Variants in RMND1 observed in about 807,000 individuals in gnomAD.
RMND1 encodes required for meiotic nuclear division protein 1 homolog.
RMND1 carries 41 observed loss-of-function variants against 54.0 expected under a neutral mutation model. That is an observed-to-expected ratio of 0.76 (90% CI 0.59 to 0.98). The LOEUF (loss-of-function observed/expected upper bound fraction) is 0.98, where lower values mean the gene tolerates loss of function less well. Ranked by LOEUF, RMND1 falls within the 50% of genes least tolerant of loss-of-function variation. The pLI, the probability that RMND1 is intolerant of heterozygous loss-of-function variation, is 0.00. For missense variants in RMND1, 457 were observed against 532.0 expected, an observed-to-expected ratio of 0.86 and a Z score of 1.39; for synonymous variants, 183 against 181.7, an observed-to-expected ratio of 1.01 and a Z score of -0.06.
At chr6:151,441,708 C>G (rs960870517) in intron 2 of RMND1, among the ~76,000 whole-genome samples, 5 of 152,166 alleles carry the variant, frequency 3.3e-5, no homozygotes, top group Non-Finnish European at 7.4e-5. Context: ...GAGGGTGGCA[C>G]AGCCCAGTTC....
At chr6:151,433,779 C>G (rs1453200530) in intron 3 of RMND1, among the ~76,000 whole-genome samples, 1 of 152,030 alleles carries the variant, frequency 6.6e-6, no homozygotes, top group Non-Finnish European at 1.5e-5. Context: ...AGGTTAATCA[C>G]TACAGGGGCT....
At position 151,427,499 on chromosome 6, in the gene RMND1, A is replaced by G. The variant is rs1441130926; in HGVS notation, c.813T>C (p.Leu271=). ...TTGCTTACTCTATTTTTATGTAGTT[A>G]AGTTCTTCATTTTCCCAGTGTACCA... ...IALVHWENEE[L]NYIKIEGQSK... Residue 271 remains leucine, a synonymous_variant, in exon 6 of 12, where the codon CTT becomes CTC. Transcript: ENST00000444024. The G allele has an allele frequency of 6.2e-7, 1 of 1,606,236 alleles. No individual in the cohort carries two copies. Among genetic ancestry groups the G allele is most frequent in the South Asian group, 1.1e-5 (1 of 90,890 alleles).
At chr6:151,405,358 T>C in intron 11 of RMND1, 91 bp from the exon 12 acceptor site, 2 of 1,231,300 alleles carry the variant, frequency 1.6e-6, no homozygotes, top group Non-Finnish European at 2.4e-6. Context: ...TGAGAAATGC[T>C]CCTGAAGTAA....
intron 2 of RMND1, among the ~76,000 whole-genome samples, chr6:151,441,372 AG>A (rs1481621283): frequency 6.6e-6 from 1 of 152,144 alleles, no homozygotes; most frequent in African/African-American, 2.4e-5. Context: ...TTTTGGTTGT[AG>A]TATTTGCTCT....
intron 2 of RMND1, among the ~76,000 whole-genome samples, chr6:151,443,334 C>CA (rs1413836089): frequency 6.6e-6 from 1 of 152,034 alleles, no homozygotes; most frequent in African/African-American, 2.4e-5. Flanking sequence ...TTTTTTGAGA[C>CA]AGAGTCTCAC....
intron 10 of RMND1, among the ~76,000 whole-genome samples, chr6:151,410,029 A>G (rs2114916160): frequency 6.6e-6 from 1 of 151,302 alleles, no homozygotes; most frequent in Middle Eastern, 3.4e-3. Context: ...TTTGAGGGGG[A>G]ATAAAAAACC....
rs372497796 is a variant in RMND1, at chr6:151,405,159, C to T, written c.*76G>A. On this transcript the variant is annotated 3_prime_UTR_variant, in exon 12 of 12. Transcript: ENST00000444024. Reference sequence around the variant, plus strand: ...TGCTGGGATTACAGGCATGAGGCACCGCGCCGGGCCGAACATTTAATTTTT... The same window carrying T: ...TGCTGGGATTACAGGCATGAGGCACTGCGCCGGGCCGAACATTTAATTTTT... 224 of 1,377,254 alleles carry T rather than the reference C, an allele frequency of 1.6e-4. No individual in the cohort carries two copies. Among genetic ancestry groups the T allele is most frequent in the Non-Finnish European group, 2.1e-4 (203 of 970,160 alleles). 85.3% of individuals were successfully genotyped at this position (1,377,254 alleles called of 1,614,324 possible). A position where few individuals can be genotyped will look rare whatever the true frequency, so the allele number is the denominator to read the frequency against.
chr6:151,417,492 C>CTTT, intron 9 of RMND1, 93 bp from the exon 10 acceptor site: 11 of 819,950 alleles, frequency 1.3e-5, no homozygotes, highest in East Asian at 7.0e-5. Flanking sequence ...TTTATGAAAA[C>CTTT]TTTTTTTTTT....
rs1293272797 is a variant in RMND1, at chr6:151,439,649, TG to T, written c.505-3096del. Among the ~76,000 whole-genome samples, 11 of 152,304 alleles carry T rather than the reference TG, an allele frequency of 7.2e-5. No homozygotes were observed. The East Asian group carries it at 1.9e-3, about 27-fold the overall frequency. ...GGTGGCAGGCATTATTATTTTATTC[TG>T]TTTTTTACTTTATTATTATTATATT... On this transcript the variant is annotated intron_variant, in intron 2 of 11. Coordinates refer to ENST00000444024, the MANE Select transcript of RMND1 (RefSeq NM_017909.4).
chr6:151,439,130 A>G (rs1308284408), intron 2 of RMND1, among the ~76,000 whole-genome samples: 1 of 152,066 alleles, frequency 6.6e-6, no homozygotes, highest in Non-Finnish European at 1.5e-5. Context: ...AAACCAAAAC[A>G]CAACTTTATG....
In RMND1 at chr6:151,446,115, A is replaced by G. The variant is rs897875430; in HGVS notation, c.-14-290T>C. ...GGACCACTTCATTTACTTCATTAGCATATCAAGTATATAAAAATCTGTGCT... is the reference window on the plus strand; with the variant it reads ...GGACCACTTCATTTACTTCATTAGCGTATCAAGTATATAAAAATCTGTGCT... On this transcript the variant is annotated intron_variant, in intron 1 of 11. Transcript: ENST00000444024. 1.8e-5 allele frequency: 5 copies of G among 275,928 alleles called. No homozygotes were observed. In the South Asian group the frequency reaches 2.1e-4, roughly 11 times the overall value. The allele number at this position is 275,928 out of a possible 1,614,324, so 17.1% of individuals were successfully genotyped here.
rs767876357 is a variant in RMND1, at chr6:151,445,703, CA to C, written c.108del (p.Phe36LeufsTer9). 13 of 1,614,128 alleles carry C rather than the reference CA, an allele frequency of 8.1e-6. No individual in the cohort carries two copies. Among genetic ancestry groups the C allele is most frequent in the South Asian group, 1.1e-5 (1 of 91,072 alleles). ...GTCAGTGTGCTGCATGTTGTATTTTCAAATTCCTTAAGTGGTTTTAACATTA... is the reference window on the plus strand; with the variant it reads ...GTCAGTGTGCTGCATGTTGTATTTTCAATTCCTTAAGTGGTTTTAACATTA... Reference protein sequence around the residue: ...GHLMLKPLKEFENTTCSTLTI... With the variant: ...GHLMLKPLKEXENTTCSTLTI... On this transcript the variant is annotated frameshift_variant, in exon 2 of 12. Transcript: ENST00000444024. LOFTEE classifies it high-confidence loss of function.
At chr6:151,447,810 C>CTTTT (rs869136474) in intron 1 of RMND1, among the ~76,000 whole-genome samples, 10 of 110,338 alleles carry the variant, frequency 9.1e-5, no homozygotes, top group Non-Finnish European at 1.4e-4. Flanking sequence ...TGAGTAAATT[C>CTTTT]TTTTTTTTTT....
intron 9 of RMND1, among the ~76,000 whole-genome samples, chr6:151,420,515 C>T (rs1020779404): frequency 3.3e-5 from 5 of 152,108 alleles, no homozygotes; most frequent in African/African-American, 1.2e-4. Context: ...TTCCGTAAAT[C>T]CTGGGACAAC....
Position 151,427,465 on chromosome 6 carries a change from G to A in RMND1, c.830+17C>T. On this transcript the variant is annotated intron_variant, in intron 6 of 11. Transcript: ENST00000444024. ...TTCCAAGTGCCCCTTTCATAAATTT[G>A]ATGAAAAGTTGCTTACTCTATTTTT... 1 of 1,456,970 alleles carries A rather than the reference G, an allele frequency of 6.9e-7. No homozygotes were observed. Among genetic ancestry groups the A allele is most frequent in the Non-Finnish European group, 9.6e-7 (1 of 1,041,680 alleles). The allele number at this position is 1,456,970 out of a possible 1,614,324, so 90.3% of individuals were successfully genotyped here. A position where few individuals can be genotyped will look rare whatever the true frequency, so the allele number is the denominator to read the frequency against.
At position 151,444,347 on chromosome 6, in the gene RMND1, C is replaced by A. The variant is rs558804997; in HGVS notation, c.504+961G>T. The A allele has an allele frequency of 3.3e-5, 5 of 152,316 alleles. No individual in the cohort carries two copies. The South Asian group carries it at 1.0e-3, about 32-fold the overall frequency. 9.4% of individuals were successfully genotyped at this position (152,316 alleles called of 1,614,324 possible). A position where few individuals can be genotyped will look rare whatever the true frequency, so the allele number is the denominator to read the frequency against. On this transcript the variant is annotated intron_variant, in intron 2 of 11. Transcript: ENST00000444024. ...AGTAGCTGCACAACACTTCATCCTT[C>A]ACGTCCTGAGTTCAGAGTAACCACA...
rs1355032843 is a variant in RMND1, at chr6:151,427,487, T to G, written c.825A>C (p.Lys275Asn). Residue 275 changes from lysine (K) to asparagine (N), a missense_variant, in exon 6 of 12, where the codon AAA (lysine) becomes AAC (asparagine). Lys to Asn is a moderately conservative substitution (Grantham distance 94). Transcript: ENST00000444024. ...TTTGATGAAAAGTTGCTTACTCTAT[T>G]TTTATGTAGTTAAGTTCTTCATTTT... ...HWENEELNYI[K>N]IEGQSKLHRG... The G allele has an allele frequency of 6.3e-7, 1 of 1,593,852 alleles. No individual in the cohort carries two copies. The highest frequency in any genetic ancestry group is 2.2e-5 in the East Asian group (1 of 44,680).
chr6:151,425,265 T>A (rs1477809383), intron 6 of RMND1, among the ~76,000 whole-genome samples: 1 of 152,076 alleles, frequency 6.6e-6, no homozygotes, highest in Admixed American at 6.6e-5. Flanking sequence ...ATGAGTAAAC[T>A]GGGCCCATGC....
At chr6:151,448,884 C>G (rs1229145088) in intron 1 of RMND1, among the ~76,000 whole-genome samples, 2 of 152,056 alleles carry the variant, frequency 1.3e-5, no homozygotes, top group Non-Finnish European at 2.9e-5. Flanking sequence ...CCAGACCAGC[C>G]TGGCCAACAC....
Sources: allele counts gnomAD v4.1 joint callset (sites outside exome capture counted in the v4.1 genomes callset), GRCh38; gene constraint gnomAD v4.1.1; transcripts MANE v1.5; gene names NCBI Gene and HGNC (gene_info 2026-07-23, HGNC 2026-07-21).